The following MTMR3 variants were observed in gnomAD, a reference collection of about 807,000 sequenced individuals.
MTMR3 encodes myotubularin related protein 3.
MTMR3 carries 32 observed loss-of-function variants against 132.4 expected under a neutral mutation model. That is an observed-to-expected ratio of 0.24 (90% confidence interval 0.18 to 0.32). MTMR3 has a LOEUF of 0.32. MTMR3 is among the 10% of genes least tolerant of loss of function. The pLI, the probability that MTMR3 is intolerant of heterozygous loss-of-function variation, is 1.00. For missense variants in MTMR3, 1,216 were observed against 1,489.6 expected (o/e 0.82, Z 3.02); for synonymous variants, 556 against 550.3 (o/e 1.01, Z -0.14).
chr22:29,941,206 T>C (rs577217905), intron 1 of MTMR3, among the ~76,000 whole-genome samples: 1 of 152,150 alleles, frequency 6.6e-6, no homozygotes, highest in South Asian at 2.1e-4. Flanking sequence ...ATCATGCTTT[T>C]GAGACTTATC....
intron 2 of MTMR3, among the ~76,000 whole-genome samples, chr22:29,968,637 C>T (rs1459752638): frequency 6.6e-6 from 1 of 152,138 alleles, no homozygotes; most frequent in Non-Finnish European, 1.5e-5. Flanking sequence ...GCAGCAGTTG[C>T]CTACTGCTTA....
chr22:29,947,851 G>A (rs1051362947), intron 1 of MTMR3, among the ~76,000 whole-genome samples: 1 of 152,042 alleles, frequency 6.6e-6, no homozygotes, highest in African/African-American at 2.4e-5. Flanking sequence ...GTCTTTTCTG[G>A]GGGTATGTTG....
intron 1 of MTMR3, among the ~76,000 whole-genome samples, chr22:29,942,763 T>C (rs1277434806): frequency 6.6e-6 from 1 of 152,092 alleles, no homozygotes; most frequent in East Asian, 1.9e-4. Context: ...GCAGTCAGAG[T>C]TTAAGGTTAT....
chr22:30,016,811 T>C, intron 15 of MTMR3, 113 bp downstream of exon 15: 2 of 1,209,214 alleles, frequency 1.7e-6, no homozygotes, highest in Non-Finnish European at 2.3e-6. Flanking sequence ...CTACTGTCTC[T>C]GGATGGACTG....
intron 1 of MTMR3, among the ~76,000 whole-genome samples, chr22:29,923,087 G>A (rs1264034880): frequency 6.7e-6 from 1 of 150,096 alleles, no homozygotes; most frequent in Non-Finnish European, 1.5e-5. Flanking sequence ...TATTGCCCAG[G>A]CTGGGGTGCA....
chr22:30,001,970 A>T (rs552207897), intron 8 of MTMR3: 10 of 152,282 alleles, frequency 6.6e-5, no homozygotes, highest in African/African-American at 2.4e-4. Context: ...TATGTATAGG[A>T]TAGGCTAGGG....
At chr22:30,014,781 A>C (rs1422618981) in intron 14 of MTMR3, 3 of 152,020 alleles carry the variant, frequency 2.0e-5, no homozygotes, top group Admixed American at 6.6e-5. Context: ...CCAAAGAATT[A>C]CAGGCGTAAG....
intron 19 of MTMR3, 38 bp from the exon 20 acceptor site, chr22:30,025,592 G>A (rs778396470): frequency 6.2e-7 from 1 of 1,610,566 alleles, no homozygotes. Flanking sequence ...ATACCTGCTG[G>A]CCAAAACTAA....
intron 1 of MTMR3, among the ~76,000 whole-genome samples, chr22:29,920,077 G>A (rs1281412695): frequency 6.6e-6 from 1 of 151,916 alleles, no homozygotes; most frequent in Non-Finnish European, 1.5e-5. Context: ...AGCTGGGCAT[G>A]TTGGCACGTG....
At chr22:29,912,484 A>G (rs1309527063) in intron 1 of MTMR3, among the ~76,000 whole-genome samples, 5 of 152,108 alleles carry the variant, frequency 3.3e-5, no homozygotes, top group Admixed American at 1.3e-4. Flanking sequence ...GGTTCTCGCT[A>G]TGTTGCCCAG....
At chr22:30,010,388 G>A (rs953929459) in intron 12 of MTMR3, 8 of 152,194 alleles carry the variant, frequency 5.3e-5, no homozygotes, top group African/African-American at 1.9e-4. Context: ...TAAATGTCTT[G>A]GGGATTTTAT....
intron 3 of MTMR3, among the ~76,000 whole-genome samples, chr22:29,973,072 C>A (rs2066567129): frequency 1.3e-5 from 2 of 152,148 alleles, no homozygotes; most frequent in African/African-American, 4.8e-5. Flanking sequence ...TAATTATATA[C>A]TGTATAATAG....
intron 2 of MTMR3, 31 bp from the exon 3 acceptor site, chr22:29,970,945 T>TTTTTCTTTCCC: frequency 1.3e-6 from 1 of 756,722 alleles, no homozygotes; most frequent in Non-Finnish European, 2.0e-6. Flanking sequence ...CTTTTTTTTT[T>TTTTTCTTTCCC]CTTCTTCCCC....
intron 1 of MTMR3, among the ~76,000 whole-genome samples, chr22:29,940,049 C>T (rs372868608): frequency 6.6e-6 from 1 of 152,138 alleles, no homozygotes; most frequent in East Asian, 1.9e-4. Flanking sequence ...GGGCAGATCA[C>T]GAGGTCAGGA....
intron 18 of MTMR3, 42 bp downstream of exon 18, chr22:30,022,181 GTT>G: frequency 6.6e-7 from 1 of 1,504,616 alleles, no homozygotes; most frequent in Non-Finnish European, 9.2e-7. Context: ...CAATTTAACT[GTT>G]TTGTGGTTCT....
rs3049983 is a variant in MTMR3, at chr22:29,888,768, CTTT to C, written c.-138+5430_-138+5432del. ...AATCTAATTTCTTTATTAGTTAATACTTTTTTTTTTTTTTTTTTTTTTTGAGAC... is the reference window on the plus strand; with the variant it reads ...AATCTAATTTCTTTATTAGTTAATACTTTTTTTTTTTTTTTTTTTTGAGAC... On this transcript the variant is annotated intron_variant, in intron 1 of 19. Transcript: ENST00000401950. Among the ~76,000 whole-genome samples the C allele has an allele frequency of 3.9e-3, 394 of 101,848 alleles. 2 individuals are homozygous for C. Among genetic ancestry groups the C allele is most frequent in the Non-Finnish European group, 4.9e-3 (258 of 52,744 alleles). 66.8% of individuals were successfully genotyped at this position (101,848 alleles called of 152,430 possible).
chr22:30,016,897 A>G lies in MTMR3; in HGVS notation c.1674+199A>G, dbSNP rs879447. 3,245 of 618,978 alleles carry G rather than the reference A, an allele frequency of 5.2e-3. 81 individuals carry two copies. In the African/African-American group the frequency reaches 0.055, roughly 11 times the overall value. 38.3% of individuals were successfully genotyped at this position (618,978 alleles called of 1,614,324 possible). A position where few individuals can be genotyped will look rare whatever the true frequency, so the allele number is the denominator to read the frequency against. On this transcript the variant is annotated intron_variant, in intron 15 of 19. Coordinates refer to ENST00000401950, the MANE Select transcript of MTMR3 (RefSeq NM_021090.4). Reference sequence around the variant, plus strand: ...GTGCTCTGATCTGTTTCTGATGACTACTTGCTGAGGGTGGTTTGGTTTAAC... The same window carrying G: ...GTGCTCTGATCTGTTTCTGATGACTGCTTGCTGAGGGTGGTTTGGTTTAAC...
At chr22:29,940,779 C>T (rs547458864) in intron 1 of MTMR3, among the ~76,000 whole-genome samples, 2 of 150,076 alleles carry the variant, frequency 1.3e-5, no homozygotes, top group South Asian at 2.1e-4. Context: ...ACTTGATCTC[C>T]TTGGAGGCTA....
chr22:29,993,478 A>G (rs952872644), intron 7 of MTMR3: 2 of 152,158 alleles, frequency 1.3e-5, no homozygotes, highest in African/African-American at 2.4e-5. Context: ...AGTGCATCCT[A>G]CTGCATTATG....
Sources: gnomAD v4.1 joint callset for allele counts (sites outside exome capture counted in the v4.1 genomes callset) on GRCh38, gnomAD v4.1.1 for gene constraint, MANE v1.5 for transcripts, NCBI Gene and HGNC (gene_info 2026-07-23, HGNC 2026-07-21) for gene names.